Variants in PRAMEF2 observed in about 807,000 individuals in gnomAD.
PRAMEF2 encodes the protein PRAME family member 2.
A neutral mutation model predicts 38.0 loss-of-function variants in PRAMEF2; 35 were observed. The ratio of observed to expected loss-of-function variants is 0.92; its 90% CI spans 0.70 to 1.22. The LOEUF (loss-of-function observed/expected upper bound fraction) is 1.22, where lower values mean the gene tolerates loss of function less well. Among genes scored for constraint, PRAMEF2 ranks in the 50% most tolerant of loss-of-function variants. The pLI, the probability that PRAMEF2 is intolerant of heterozygous loss-of-function variation, is 0.00. For synonymous variants in PRAMEF2, 240 were observed against 232.4 expected (o/e 1.03, Z -0.30); for missense variants, 562 against 553.9 (o/e 1.01, Z -0.15).
At chr1:12,858,949 T>C (rs1640491242) in intron 1 of PRAMEF2, 36 bp from the exon 2 acceptor site, 3 of 1,569,896 alleles carry the variant, frequency 1.9e-6, no homozygotes, top group Non-Finnish European at 2.6e-6. Context: ...GTGTTTGCCC[T>C]GAGAGTGATA....
Position 12,859,122 on chromosome 1 carries a change from C to T in PRAMEF2, c.113C>T (p.Pro38Leu), listed in dbSNP as rs768628282. The change falls in exon 2 of 4, where the codon CCA becomes CTA. Residue 38 changes from proline to leucine, a missense_variant. This residue lies in a region of PRAMEF2 where 486 missense variants were observed against 444.2 expected (regional missense o/e 1.09). Coordinates refer to ENST00000240189, the MANE Select transcript of PRAMEF2 (RefSeq NM_023014.1). Reference protein sequence around the residue: ...MEELPRVLYLPLFREAFSRRH... With the variant: ...MEELPRVLYLLLFREAFSRRH... ...GAGCTGCCCAGGGTGCTCTATCTCCCACTCTTCAGGGAGGCCTTCAGCAGG... is the reference window on the plus strand; with the variant it reads ...GAGCTGCCCAGGGTGCTCTATCTCCTACTCTTCAGGGAGGCCTTCAGCAGG... 5 of 1,606,698 alleles carry T rather than the reference C, an allele frequency of 3.1e-6. 1 individual carries two copies. The highest frequency in any genetic ancestry group is 1.1e-5 in the South Asian group (1 of 90,552).
intron 1 of PRAMEF2, 124 bp from the exon 2 acceptor site, chr1:12,858,861 G>C: frequency 1.8e-6 from 2 of 1,137,196 alleles, no homozygotes; most frequent in Admixed American, 2.8e-5. Flanking sequence ...AACAAGCACA[G>C]TGGAATTGGG....
rs373779626 is a variant in PRAMEF2 at position 12,859,004 on chromosome 1, A to G, written c.-6A>G. The G allele has an allele frequency of 1.9e-5, 31 of 1,600,156 alleles. 1 individual carries two copies. Among genetic ancestry groups the G allele is most frequent in the Non-Finnish European group, 2.5e-5 (29 of 1,175,334 alleles). On this transcript the variant is annotated 5_prime_UTR_variant, in exon 2 of 4. Transcript: ENST00000240189. ...TTCTAGAGATTTTTCTTGCAGATCC[A>G]TCAGGATGAGCATCCAGGCCCCACC...
rs1063788 is a variant in PRAMEF2 at position 12,861,301 on chromosome 1, T to C, written c.947T>C (p.Phe316Ser). Residue 316 changes from phenylalanine to serine, a missense_variant, in exon 4 of 4, where the codon TTC becomes TCC. Transcript: ENST00000240189. The part of the protein sequence containing the change: ...LEEDLKCLSQ[F>S]PSLGYLKHLN... ...GAGGACTTGAAGTGTCTCTCCCAGT[T>C]CCCAAGCCTCGGTTACCTAAAGCAT... 2.5e-6 allele frequency: 4 copies of C among 1,602,246 alleles called. 1 individual carries two copies. In the Admixed American group the frequency reaches 6.9e-5, roughly 28 times the overall value.
Position 12,859,033 on chromosome 1 carries a change from A to G in PRAMEF2, c.24A>G (p.Arg8=), listed in dbSNP as rs751223355. 3.1e-6 allele frequency: 5 copies of G among 1,603,648 alleles called. 2 individuals are homozygous for G. The highest frequency in any genetic ancestry group is 4.3e-6 in the Non-Finnish European group (5 of 1,176,280). Residue 8 remains arginine, a synonymous_variant, in exon 2 of 4, where the codon AGA becomes AGG. Coordinates refer to ENST00000240189, the MANE Select transcript of PRAMEF2 (RefSeq NM_023014.1). ...GGATGAGCATCCAGGCCCCACCGAG[A>G]CTACTGGAGCTGGCGGGGCAGAGCC... The part of the protein sequence containing the change: MSIQAPP[R]LLELAGQSLL...
rs200449318 is a variant in PRAMEF2, at chr1:12,861,338, C to G, written c.984C>G (p.Ser328Arg). 7 of 1,607,004 alleles carry G rather than the reference C, an allele frequency of 4.4e-6. No homozygotes were observed. The highest frequency in any genetic ancestry group is 5.1e-6 in the Non-Finnish European group (6 of 1,176,702). The change falls in exon 4 of 4, where the codon AGC becomes AGG. Residue 328 changes from serine (S) to arginine (R), a missense_variant. By Grantham distance (110) the Ser-to-Arg change is moderately radical. Around this residue, in one of 2 missense-constraint regions of PRAMEF2, gnomAD observed 486 missense variants for 444.2 expected, o/e 1.09. Transcript: ENST00000240189. Reference protein sequence around the residue: ...SLGYLKHLNLSYVLLFRISLE... With the variant: ...SLGYLKHLNLRYVLLFRISLE... ...GTTACCTAAAGCATCTGAATCTCAG[C>G]TACGTGCTGCTGTTCCGCATCAGTC...
At chr1:12,860,858 C>T (rs1569849844) in intron 3 of PRAMEF2, among the ~76,000 whole-genome samples, 1 of 149,982 alleles carries the variant, frequency 6.7e-6, no homozygotes, top group Non-Finnish European at 1.5e-5. Context: ...GGAGCCCCTG[C>T]CGACATGTAG....
rs1640513219 is a variant in PRAMEF2 at position 12,859,818 on chromosome 1, G to A, written c.413G>A (p.Cys138Tyr). 1 of 1,607,520 alleles carries A rather than the reference G, an allele frequency of 6.2e-7. No individual in the cohort carries two copies. Among genetic ancestry groups the A allele is most frequent in the Admixed American group, 1.7e-5 (1 of 58,394 alleles). The change falls in exon 3 of 4, where the codon TGT (cysteine) becomes TAT (tyrosine). Residue 138 changes from cysteine (C) to tyrosine (Y), a missense_variant. Physicochemically the swap from Cys to Tyr is radical, Grantham distance 194. Around this residue, in one of 2 missense-constraint regions of PRAMEF2, gnomAD observed 486 missense variants for 444.2 expected, o/e 1.09. Coordinates refer to ENST00000240189, the MANE Select transcript of PRAMEF2 (RefSeq NM_023014.1). ...AMSKRQTAED[C>Y]PRTGEHQPLK... ...AGTAAGAGGCAGACAGCAGAGGACT[G>A]TCCAAGGACGGGAGAGCACCAGCCC...
In PRAMEF2 at chr1:12,859,016, A is replaced by C. The variant is rs1395876567; in HGVS notation, c.7A>C (p.Ile3Leu). Residue 3 changes from isoleucine (I) to leucine (L), a missense_variant, in exon 2 of 4, where the codon ATC becomes CTC. Physicochemically the swap from Ile to Leu is conservative, Grantham distance 5 (BLOSUM62 2). Transcript: ENST00000240189. MS[I>L]QAPPRLLELA... The stretch of plus-strand genomic sequence containing the variant: ...TTCTTGCAGATCCATCAGGATGAGC[A>C]TCCAGGCCCCACCGAGACTACTGGA... The C allele has an allele frequency of 1.2e-6, 2 of 1,602,768 alleles. No homozygotes were observed. Among genetic ancestry groups the C allele is most frequent in the Non-Finnish European group, 1.7e-6 (2 of 1,176,056 alleles).
chr1:12,860,426 T>C (rs999781138), intron 3 of PRAMEF2, among the ~76,000 whole-genome samples, 155 bp downstream of exon 3: 2 of 150,228 alleles, frequency 1.3e-5, no homozygotes, highest in East Asian at 1.9e-4. Flanking sequence ...CAGTGTTCCA[T>C]GTCCTGGAGT....
intron 1 of PRAMEF2, among the ~76,000 whole-genome samples, chr1:12,858,681 G>A (rs761147056): frequency 1.3e-4 from 20 of 149,886 alleles, no homozygotes; most frequent in Non-Finnish European, 2.5e-4. Flanking sequence ...TCCTCAAAGA[G>A]GTAGAGCTTG....
In PRAMEF2 at chr1:12,861,401, C is replaced by T; in HGVS notation, c.1047C>T (p.Ala349=). 1.2e-6 allele frequency: 2 copies of T among 1,603,290 alleles called. No homozygotes were observed. The highest frequency in any genetic ancestry group is 1.7e-6 in the Non-Finnish European group (2 of 1,174,554). Residue 349 remains alanine (A), a synonymous_variant, in exon 4 of 4, where the codon GCC becomes GCT. Coordinates refer to ENST00000240189, the MANE Select transcript of PRAMEF2 (RefSeq NM_023014.1). ...GAGCTCTGCTAGAGAAAATTGCTGCCTCTCTCGAGACCCTCGTGTTAGAGG... is the reference window on the plus strand; with the variant it reads ...GAGCTCTGCTAGAGAAAATTGCTGCTTCTCTCGAGACCCTCGTGTTAGAGG... The part of the protein sequence containing the change: ...PLGALLEKIA[A]SLETLVLEGC...
At position 12,861,610 on chromosome 1, in the gene PRAMEF2, T is replaced by C. The variant is rs1640554944; in HGVS notation, c.1256T>C (p.Leu419Ser). 1.2e-5 allele frequency: 19 copies of C among 1,603,856 alleles called. 3 individuals carry two copies. In the East Asian group the frequency reaches 4.2e-4, roughly 36 times the overall value. ...ACGTATCCTGCCCCTGAGGAGAGTT[T>C]GAATTCCTTGGTTCGTGTCAATTGG... ...LETYPAPEES[L>S]NSLVRVNWEI... is the part of the protein sequence containing the mutation. The change falls in exon 4 of 4, where the codon TTG (leucine) becomes TCG (serine). Residue 419 changes from leucine (L) to serine (S), a missense_variant. This residue lies in a region of PRAMEF2 where 76 missense variants were observed against 109.6 expected (regional missense o/e 0.69). Transcript: ENST00000240189.
chr1:12,858,434 C>T (rs1640481296), intron 1 of PRAMEF2, among the ~76,000 whole-genome samples: 1 of 149,978 alleles, frequency 6.7e-6, no homozygotes, highest in South Asian at 2.1e-4. Flanking sequence ...AACTCCTGAC[C>T]TCAAGTGATC....
intron 3 of PRAMEF2, 82 bp downstream of exon 3, chr1:12,860,353 T>C: frequency 6.4e-7 from 1 of 1,573,300 alleles, no homozygotes; most frequent in Non-Finnish European, 8.6e-7. Context: ...GCGTGTACTG[T>C]GTGCCAGCCA....
At position 12,861,521 on chromosome 1, in the gene PRAMEF2, G is replaced by A; in HGVS notation, c.1167G>A (p.Met389Ile). Reference sequence around the variant, plus strand: ...CCTTCTACTTTGGCAGCAATTGCATGTCTATTGACGCCCTGAAGGACCTGC... The same window carrying A: ...CCTTCTACTTTGGCAGCAATTGCATATCTATTGACGCCCTGAAGGACCTGC... ...LTTFYFGSNC[M>I]SIDALKDLLR... Residue 389 changes from methionine (M) to isoleucine (I), a missense_variant, in exon 4 of 4, where the codon ATG becomes ATA. Around this residue, in one of 2 missense-constraint regions of PRAMEF2, gnomAD observed 76 missense variants for 109.6 expected, o/e 0.69. Transcript: ENST00000240189. The A allele has an allele frequency of 6.2e-7, 1 of 1,605,606 alleles. No homozygotes were observed. The highest frequency in any genetic ancestry group is 8.5e-7 in the Non-Finnish European group (1 of 1,176,930).
Position 12,857,942 on chromosome 1 carries a change from G to A in PRAMEF2, c.-26+795G>A, listed in dbSNP as rs1640473494. 2.1e-5 allele frequency among the ~76,000 whole-genome samples: 3 copies of A among 146,168 alleles called. 1 individual carries two copies. Among genetic ancestry groups the A allele is most frequent in the Non-Finnish European group, 4.5e-5 (3 of 66,080 alleles). On this transcript the variant is annotated intron_variant, in intron 1 of 3. Coordinates refer to ENST00000240189, the MANE Select transcript of PRAMEF2 (RefSeq NM_023014.1). ...TCAAACTCCTGACCTCAGGAGATCTGCCCCCCTCAGACTCCCAAAGTGCTG... is the reference window on the plus strand; with the variant it reads ...TCAAACTCCTGACCTCAGGAGATCTACCCCCCTCAGACTCCCAAAGTGCTG...
chr1:12,860,420 G>A (rs1180509228), intron 3 of PRAMEF2, 149 bp downstream of exon 3: 1 of 1,495,034 alleles, frequency 6.7e-7, no homozygotes, highest in East Asian at 2.3e-5. Context: ...CCCATTCAGT[G>A]TTCCATGTCC....
chr1:12,858,593 A>G (rs938919089), intron 1 of PRAMEF2, among the ~76,000 whole-genome samples: 3 of 149,952 alleles, frequency 2.0e-5, no homozygotes, highest in Non-Finnish European at 3.0e-5. Flanking sequence ...CATGGTGTGA[A>G]CTGAGAATGG....
Sources: allele counts gnomAD v4.1 joint callset (sites outside exome capture counted in the v4.1 genomes callset), GRCh38; gene constraint gnomAD v4.1.1; regional missense constraint gnomAD v4.1.1; transcripts MANE v1.5; gene names NCBI Gene and HGNC (gene_info 2026-07-23, HGNC 2026-07-21).